The following GPC6 variants were observed in gnomAD, a reference collection of about 807,000 sequenced individuals.
GPC6 encodes glypican 6, also known as glypican-6.
In GPC6, 14 loss-of-function variants were observed where a neutral mutation model predicts 55.2. The observed-to-expected ratio is 0.25, with a 90% CI of 0.17 to 0.40. The LOEUF (loss-of-function observed/expected upper bound fraction) is 0.40. Ranked by LOEUF, GPC6 falls within the 10% of genes least tolerant of loss-of-function variation. The pLI, the probability that GPC6 is intolerant of heterozygous loss-of-function variation, is 1.00. For missense variants in GPC6, 641 were observed against 708.5 expected (o/e 0.90, Z 1.08); for synonymous variants, 278 against 259.6 (o/e 1.07, Z -0.68).
At chr13:93,232,346 G>GT (rs1233957511) in intron 1 of GPC6, among the ~76,000 whole-genome samples, 1 of 152,060 alleles carries the variant, frequency 6.6e-6, no homozygotes, top group African/African-American at 2.4e-5. Flanking sequence ...TTCAATTTTT[G>GT]TTTTTGTAAT....
At chr13:94,086,860 G>T (rs1188074547) in intron 4 of GPC6, among the ~76,000 whole-genome samples, 1 of 152,060 alleles carries the variant, frequency 6.6e-6, no homozygotes, top group Non-Finnish European at 1.5e-5. Context: ...AGTTTTTCTC[G>T]TGAACAATTC....
chr13:94,117,884 G>A (rs185164512), intron 4 of GPC6, among the ~76,000 whole-genome samples: 12 of 152,208 alleles, frequency 7.9e-5, no homozygotes, highest in Non-Finnish European at 1.5e-4. Flanking sequence ...TGGCATATGA[G>A]TAGGAGCATG....
At chr13:93,855,854 C>G (rs764152958) in intron 3 of GPC6, among the ~76,000 whole-genome samples, 1 of 151,536 alleles carries the variant, frequency 6.6e-6, no homozygotes, top group African/African-American at 2.4e-5. Context: ...AGTGAGGTGT[C>G]GAAGTCTTTA....
intron 2 of GPC6, among the ~76,000 whole-genome samples, chr13:93,731,514 A>G (rs942683796): frequency 6.6e-6 from 1 of 152,190 alleles, no homozygotes; most frequent in African/African-American, 2.4e-5. Flanking sequence ...TAGCTTTCTA[A>G]TTACAGGACT....
At chr13:93,341,708 T>C (rs1449046220) in intron 1 of GPC6, among the ~76,000 whole-genome samples, 1 of 149,826 alleles carries the variant, frequency 6.7e-6, no homozygotes, top group Non-Finnish European at 1.5e-5. Context: ...TTTTTTTTTT[T>C]CTTTTTTTTG....
In GPC6 at chr13:94,034,237, G is replaced by GAAGC. The variant is rs1883252430; in HGVS notation, c.877+6346_877+6347insCAAG. On this transcript the variant is annotated intron_variant, in intron 4 of 8. Transcript: ENST00000377047. ...GGAAGGAAGGAAGGAAGGAAGGAAG[G>GAAGC]AAGGAAGGAAGGAAAGAAAGAAAGA... Among the ~76,000 whole-genome samples, 3 of 151,224 alleles carry GAAGC rather than the reference G, an allele frequency of 2.0e-5. No individual in the cohort carries two copies. In the South Asian group the frequency reaches 6.4e-4, roughly 32 times the overall value.
intron 1 of GPC6, among the ~76,000 whole-genome samples, chr13:93,353,723 C>T (rs1281079148): frequency 6.6e-6 from 1 of 152,182 alleles, no homozygotes; most frequent in African/African-American, 2.4e-5. Context: ...CTCGTGATTA[C>T]TCACCTAAGT....
chr13:93,439,400 C>T (rs1428512348), intron 1 of GPC6, among the ~76,000 whole-genome samples: 2 of 152,104 alleles, frequency 1.3e-5, no homozygotes, highest in Non-Finnish European at 2.9e-5. Flanking sequence ...GAATAAGTCT[C>T]ATAAGATTTG....
chr13:93,862,643 A>G (rs1888852364), intron 3 of GPC6, among the ~76,000 whole-genome samples: 1 of 151,710 alleles, frequency 6.6e-6, no homozygotes, highest in East Asian at 2.0e-4. Context: ...GTAGCTCTAA[A>G]GAAAATAGTG....
At chr13:94,159,308 A>T (rs1888072890) in intron 4 of GPC6, among the ~76,000 whole-genome samples, 1 of 152,170 alleles carries the variant, frequency 6.6e-6, no homozygotes, top group Admixed American at 6.6e-5. Context: ...CCGTTTTCAC[A>T]CCACTGATGA....
chr13:94,347,876 C>T lies in GPC6; in HGVS notation c.1153-34538C>T, dbSNP rs1045160391. On this transcript the variant is annotated intron_variant, in intron 6 of 8. Transcript: ENST00000377047. The stretch of plus-strand genomic sequence containing the variant: ...AGTTTGGGTGAAACCTGAAGAGGCC[C>T]GTTAAATGGTTCAGTTGTTCACCAA... 7.2e-5 allele frequency among the ~76,000 whole-genome samples: 11 copies of T among 152,138 alleles called. 1 individual carries two copies. Among genetic ancestry groups the T allele is most frequent in the African/African-American group, 2.7e-4 (11 of 41,430 alleles).
intron 1 of GPC6, among the ~76,000 whole-genome samples, chr13:93,452,531 T>A (rs1878269822): frequency 1.3e-5 from 2 of 152,246 alleles, no homozygotes; most frequent in Admixed American, 1.3e-4. Context: ...TTATAAGATG[T>A]CTATGAGTAT....
intron 2 of GPC6, among the ~76,000 whole-genome samples, chr13:93,675,372 G>C (rs972161410): frequency 1.3e-5 from 2 of 150,574 alleles, no homozygotes; most frequent in East Asian, 3.9e-4. Flanking sequence ...TTACAAATTC[G>C]TGTTGATCAA....
At chr13:93,731,534 A>G (rs1179913311) in intron 2 of GPC6, among the ~76,000 whole-genome samples, 2 of 152,202 alleles carry the variant, frequency 1.3e-5, no homozygotes, top group African/African-American at 4.8e-5. Context: ...TTTGCAAACC[A>G]AGCGTCTATT....
chr13:94,296,471 A>C (rs2139099079), intron 5 of GPC6, among the ~76,000 whole-genome samples: 1 of 152,348 alleles, frequency 6.6e-6, no homozygotes, highest in Non-Finnish European at 1.5e-5. Context: ...CTTCCTACTT[A>C]AGAGAAGAGC....
intron 1 of GPC6, among the ~76,000 whole-genome samples, chr13:93,499,130 C>A (rs1880427895): frequency 1.3e-5 from 2 of 148,248 alleles, no homozygotes. Context: ...GAAACACATA[C>A]ACACATGTTT....
intron 1 of GPC6, among the ~76,000 whole-genome samples, chr13:93,344,981 T>C (rs1232279033): frequency 6.6e-6 from 1 of 152,238 alleles, no homozygotes. Flanking sequence ...GTTGATGTCA[T>C]GCTTTTTTAT....
At chr13:93,424,685 T>A (rs1877057223) in intron 1 of GPC6, among the ~76,000 whole-genome samples, 1 of 152,176 alleles carries the variant, frequency 6.6e-6, no homozygotes, top group Non-Finnish European at 1.5e-5. Flanking sequence ...TTGTTTTTGT[T>A]GTTTTGTCTA....
chr13:94,014,767 T>TTA (rs1399287700), intron 3 of GPC6, among the ~76,000 whole-genome samples: 2 of 152,212 alleles, frequency 1.3e-5, no homozygotes, highest in Non-Finnish European at 2.9e-5. Flanking sequence ...TCTGGACATT[T>TTA]TATATATAAA....
Sources: gnomAD v4.1 joint callset for allele counts (sites outside exome capture counted in the v4.1 genomes callset) on GRCh38, gnomAD v4.1.1 for gene constraint, MANE v1.5 for transcripts, NCBI Gene and HGNC (gene_info 2026-07-23, HGNC 2026-07-21) for gene names.